KCNIP4: variants seen among roughly 807,000 people sequenced by gnomAD.
KCNIP4 encodes Kv channel-interacting protein 4.
In KCNIP4, 12 loss-of-function variants were observed where a neutral mutation model predicts 34.0. The ratio of observed to expected loss-of-function variants is 0.35; its 90% confidence interval spans 0.23 to 0.57. The LOEUF (loss-of-function observed/expected upper bound fraction) is 0.57, where lower values mean the gene tolerates loss of function less well. KCNIP4 is among the 20% of genes least tolerant of loss of function. The pLI, the probability that KCNIP4 is intolerant of heterozygous loss-of-function variation, is 0.83. For missense variants in KCNIP4, 238 were observed against 311.7 expected (o/e 0.76, Z 1.78); for synonymous variants, 124 against 102.2 (o/e 1.21, Z -1.29).
intron 1 of KCNIP4, among the ~76,000 whole-genome samples, chr4:21,059,513 A>T (rs961769941): frequency 6.6e-6 from 1 of 151,978 alleles, no homozygotes; most frequent in African/African-American, 2.4e-5. Context: ...GGACCATTTG[A>T]AAAAGAGGGA....
chr4:20,921,624 T>G (rs1256758246), intron 1 of KCNIP4, among the ~76,000 whole-genome samples: 1 of 152,238 alleles, frequency 6.6e-6, no homozygotes, highest in African/African-American at 2.4e-5. Context: ...TGTGGATGCT[T>G]AATATCCATT....
intron 3 of KCNIP4, among the ~76,000 whole-genome samples, chr4:20,783,897 G>A (rs2149395408): frequency 6.6e-6 from 1 of 152,194 alleles, no homozygotes. Context: ...ACTGTTTTTT[G>A]TTTGGTTGGT....
At chr4:21,433,651 T>C (rs1200854277) in intron 1 of KCNIP4, among the ~76,000 whole-genome samples, 1 of 152,112 alleles carries the variant, frequency 6.6e-6, no homozygotes, top group Non-Finnish European at 1.5e-5. Context: ...TACTCCTAGG[T>C]GTCAGTAATT....
intron 1 of KCNIP4, among the ~76,000 whole-genome samples, chr4:21,288,353 G>A (rs1337148161): frequency 2.0e-5 from 3 of 151,862 alleles, no homozygotes; most frequent in Non-Finnish European, 4.4e-5. Context: ...CATGCAAAAC[G>A]TAATAAAAGG....
chr4:21,687,473 T>C (rs914011862), intron 1 of KCNIP4, among the ~76,000 whole-genome samples: 2 of 152,160 alleles, frequency 1.3e-5, no homozygotes, highest in Admixed American at 6.5e-5. Context: ...GTAATGAACA[T>C]TGACTGTGCA....
At chr4:20,808,498 ACATAATTATT>A (rs1445851524) in intron 3 of KCNIP4, among the ~76,000 whole-genome samples, 1 of 152,212 alleles carries the variant, frequency 6.6e-6, no homozygotes, top group African/African-American at 2.4e-5. Context: ...CTTTGAAAGA[ACATAATTATT>A]CATAATTATT....
rs147228677 is a variant in KCNIP4, at chr4:20,953,626, G to A, written c.62-70917C>T. Among the ~76,000 whole-genome samples the A allele has an allele frequency of 5.8e-3, 881 of 152,230 alleles. 6 individuals are homozygous for A. The highest frequency in any genetic ancestry group is 0.02 in the African/African-American group (815 of 41,528). ...GAGCCCGGGAGGCAGAAGTTGCAGG[G>A]AGCTGAGATCGCACTCCATCTTGGG... On this transcript the variant is annotated intron_variant, in intron 1 of 8. Transcript: ENST00000382152.
intron 1 of KCNIP4, among the ~76,000 whole-genome samples, chr4:21,430,920 C>T (rs1339203601): frequency 2.0e-5 from 3 of 149,932 alleles, no homozygotes; most frequent in Non-Finnish European, 4.4e-5. Flanking sequence ...AATCCAAAGA[C>T]TTTCCAAAAA....
intron 1 of KCNIP4, among the ~76,000 whole-genome samples, chr4:21,620,483 T>C (rs775241880): frequency 6.6e-6 from 1 of 152,030 alleles, no homozygotes; most frequent in East Asian, 1.9e-4. Flanking sequence ...TAGAGCAAGA[T>C]GCCTGCCTCA....
At chr4:21,249,462 C>T (rs1052910708) in intron 1 of KCNIP4, among the ~76,000 whole-genome samples, 1 of 152,060 alleles carries the variant, frequency 6.6e-6, no homozygotes, top group African/African-American at 2.4e-5. Context: ...GTTTCAAATA[C>T]TTGTCCCATA....
At chr4:21,560,276 G>A (rs1560516824) in intron 1 of KCNIP4, among the ~76,000 whole-genome samples, 2 of 152,050 alleles carry the variant, frequency 1.3e-5, no homozygotes, top group African/African-American at 4.8e-5. Context: ...CTCTGCATCT[G>A]ATTTTCAGAT....
chr4:21,579,888 G>A lies in KCNIP4; in HGVS notation c.61+368683C>T, dbSNP rs547550040. 5.1e-4 allele frequency among the ~76,000 whole-genome samples: 77 copies of A among 152,218 alleles called. 1 individual carries two copies. The highest frequency in any genetic ancestry group is 2.7e-3 in the Admixed American group (41 of 15,286). On this transcript the variant is annotated intron_variant, in intron 1 of 8. Coordinates refer to ENST00000382152, the MANE Select transcript of KCNIP4 (RefSeq NM_025221.6). ...ATTCCTTTTGAAGAGTAGTTTTTTA[G>A]CTGATTTGGATGCTTTCCAATAAAC... is the stretch of plus-strand genomic sequence containing the variant.
chr4:21,398,677 T>C (rs1407542174), intron 1 of KCNIP4, among the ~76,000 whole-genome samples: 2 of 152,210 alleles, frequency 1.3e-5, no homozygotes, highest in Non-Finnish European at 2.9e-5. Flanking sequence ...ATAAAACTCA[T>C]ATTCCATTTT....
chr4:21,513,653 G>A (rs573455491), intron 1 of KCNIP4, among the ~76,000 whole-genome samples: 25 of 152,268 alleles, frequency 1.6e-4, no homozygotes, highest in Middle Eastern at 6.8e-3. Flanking sequence ...TGTAACATAG[G>A]CAGAACCTTC....
At chr4:21,035,283 G>A (rs556744511) in intron 1 of KCNIP4, among the ~76,000 whole-genome samples, 1 of 152,188 alleles carries the variant, frequency 6.6e-6, no homozygotes, top group South Asian at 2.1e-4. Flanking sequence ...AATTTCCAAG[G>A]CTAATTTTAA....
At chr4:20,933,258 A>G (rs1730674750) in intron 1 of KCNIP4, among the ~76,000 whole-genome samples, 1 of 152,064 alleles carries the variant, frequency 6.6e-6, no homozygotes, top group African/African-American at 2.4e-5. Context: ...GAAAAAAAAT[A>G]TAAAAAAATA....
chr4:21,236,212 A>T (rs1322122879), intron 1 of KCNIP4, among the ~76,000 whole-genome samples: 1 of 152,046 alleles, frequency 6.6e-6, no homozygotes, highest in Non-Finnish European at 1.5e-5. Flanking sequence ...TTTTATCCCT[A>T]CTCCCTAAAC....
chr4:21,870,648 G>A (rs186884445), intron 1 of KCNIP4, among the ~76,000 whole-genome samples: 12 of 152,208 alleles, frequency 7.9e-5, no homozygotes, highest in Admixed American at 1.3e-4. Context: ...AGCTTGCTTC[G>A]CCTCTCAGAG....
At chr4:21,193,040 C>CA (rs1213785041) in intron 1 of KCNIP4, among the ~76,000 whole-genome samples, 1 of 150,506 alleles carries the variant, frequency 6.6e-6, no homozygotes, top group Non-Finnish European at 1.5e-5. Context: ...CAGCTTGAGA[C>CA]AGGAGGATGA....
Sources: allele counts gnomAD v4.1 joint callset (sites outside exome capture counted in the v4.1 genomes callset), GRCh38; gene constraint gnomAD v4.1.1; transcripts MANE v1.5; gene names NCBI Gene and HGNC (gene_info 2026-07-23, HGNC 2026-07-21).